Variants in PARVB observed in about 807,000 individuals in gnomAD.
PARVB encodes beta-parvin.
PARVB carries 46 observed loss-of-function variants against 47.0 expected under a neutral mutation model. The observed-to-expected ratio is 0.98, with a 90% confidence interval of 0.77 to 1.25. PARVB has a LOEUF of 1.25. Ranked by LOEUF, PARVB falls within the 50% of genes most tolerant of loss-of-function variation. The pLI is 0.00. For missense variants in PARVB, 473 were observed against 471.6 expected (o/e 1.00, Z -0.03); for synonymous variants, 196 against 196.3 (o/e 1.00, Z 0.01).
At chr22:44,134,565 G>T (rs948806045) in intron 6 of PARVB, among the ~76,000 whole-genome samples, 2 of 152,206 alleles carry the variant, frequency 1.3e-5, no homozygotes, top group Admixed American at 1.3e-4. Context: ...GAGGAGTGTT[G>T]TTTGGCCACG....
chr22:44,023,362 T>G (rs186251781), upstream of PARVB, among the ~76,000 whole-genome samples: 26 of 151,716 alleles, frequency 1.7e-4, no homozygotes, highest in Non-Finnish European at 3.1e-4. Flanking sequence ...AATACAAAAA[T>G]TACCCGGTCG....
rs570201560 is a variant in PARVB, at chr22:44,133,388, C to T, written c.633+379C>T. Among the ~76,000 whole-genome samples the T allele has an allele frequency of 2.2e-4, 34 of 152,270 alleles. No homozygotes were observed. In the South Asian group the frequency reaches 5.2e-3, roughly 23 times the overall value. On this transcript the variant is annotated intron_variant, in intron 6 of 12. Coordinates refer to ENST00000338758, the MANE Select transcript of PARVB (RefSeq NM_013327.5). Reference sequence around the variant, plus strand: ...ACCCAAATTAAAGCCGCTTTGCATTCGTTGGGGATTATTCATCATGCCCCA... The same window carrying T: ...ACCCAAATTAAAGCCGCTTTGCATTTGTTGGGGATTATTCATCATGCCCCA...
At chr22:44,116,710 G>T (rs1269057206) in intron 3 of PARVB, among the ~76,000 whole-genome samples, 1 of 152,220 alleles carries the variant, frequency 6.6e-6, no homozygotes, top group Non-Finnish European at 1.5e-5. Flanking sequence ...GGGACAGGAT[G>T]AGACAGGGTG....
intron 2 of PARVB, among the ~76,000 whole-genome samples, chr22:44,018,124 A>G (rs953705298): frequency 1.3e-5 from 2 of 152,130 alleles, no homozygotes. Context: ...CATCTCGGCC[A>G]GGCACAGTGG....
chr22:44,013,567 G>T (rs1333901516), intron 2 of PARVB, among the ~76,000 whole-genome samples: 2 of 152,168 alleles, frequency 1.3e-5, no homozygotes, highest in African/African-American at 2.4e-5. Context: ...GTGGATTCAC[G>T]CAGTCTGTGC....
chr22:44,116,548 C>T (rs886134390), intron 3 of PARVB, among the ~76,000 whole-genome samples: 1 of 152,232 alleles, frequency 6.6e-6, no homozygotes, highest in African/African-American at 2.4e-5. Context: ...GTTAGTCCAC[C>T]CATTCACCAC....
chr22:44,109,134 T>C (rs1018087150), intron 3 of PARVB: 3 of 152,334 alleles, frequency 2.0e-5, no homozygotes, highest in African/African-American at 7.2e-5. Flanking sequence ...AACGATCCTC[T>C]GGGCAGAAAT....
At chr22:44,114,440 A>T (rs2052807887) in intron 3 of PARVB, 1 of 111,500 alleles carries the variant, frequency 9.0e-6, no homozygotes, top group Non-Finnish European at 1.8e-5. Context: ...GTTACTAAGT[A>T]AGGCCCTGCA....
rs1431086500 is a variant in PARVB, at chr22:44,068,053, C to G, written c.113-25875C>G. On this transcript the variant is annotated intron_variant, in intron 1 of 12. Coordinates refer to ENST00000338758, the MANE Select transcript of PARVB (RefSeq NM_013327.5). The surrounding 1 kb of genome is among the most constrained non-coding windows in gnomAD (Gnocchi z 4.1). Reference sequence around the variant, plus strand: ...TGCCCCAGAGCCCCGCCTGGAGCACCTGCTGGGTCGGGACATGGGCCTCCC... The same window carrying G: ...TGCCCCAGAGCCCCGCCTGGAGCACGTGCTGGGTCGGGACATGGGCCTCCC... Among the ~76,000 whole-genome samples, 1 of 152,190 alleles carries G rather than the reference C, an allele frequency of 6.6e-6. No homozygotes were observed. Among genetic ancestry groups the G allele is most frequent in the Non-Finnish European group, 1.5e-5 (1 of 68,040 alleles).
At chr22:44,133,161 TC>T in intron 6 of PARVB, 152 bp downstream of exon 6, 1 of 552,764 alleles carries the variant, frequency 1.8e-6, no homozygotes, top group African/African-American at 1.9e-5. Flanking sequence ...TCACCCTGGC[TC>T]CGAGATAAAT....
At chr22:44,152,864 T>A (rs1230205909) in intron 10 of PARVB, 1 of 152,184 alleles carries the variant, frequency 6.6e-6, no homozygotes, top group Non-Finnish European at 1.5e-5. Context: ...TTCATTCCCT[T>A]CTCTTTCTTT....
chr22:44,115,492 TAA>T, intron 3 of PARVB: 1 of 70,922 alleles, frequency 1.4e-5, no homozygotes, highest in African/African-American at 6.3e-5. Flanking sequence ...TGTTACTAAC[TAA>T]GGCCCTGCAC....
intron 1 of PARVB, among the ~76,000 whole-genome samples, chr22:44,074,852 C>T (rs1445715984): frequency 6.6e-6 from 1 of 152,046 alleles, no homozygotes; most frequent in East Asian, 1.9e-4. Flanking sequence ...GGGCCCTTCC[C>T]TCCACCCCAC....
Position 44,132,284 on chromosome 22 carries a change from C to T in PARVB, c.518-610C>T, listed in dbSNP as rs568403634. ...TCTTGGTATCGAGACCTTGGGCAGA[C>T]CCAGGCTGTCTCGTGGGTGGCTGGG... On this transcript the variant is annotated intron_variant, in intron 5 of 12. Coordinates refer to ENST00000338758, the MANE Select transcript of PARVB (RefSeq NM_013327.5). 3.3e-5 allele frequency among the ~76,000 whole-genome samples: 5 copies of T among 152,318 alleles called. No individual in the cohort carries two copies. In the East Asian group the frequency reaches 9.7e-4, roughly 29 times the overall value.
At chr22:44,110,756 T>A (rs2052678885) in intron 3 of PARVB, 2 of 152,142 alleles carry the variant, frequency 1.3e-5, no homozygotes, top group South Asian at 4.1e-4. Context: ...TGCACCACCA[T>A]GCCCAGCTAA....
In PARVB at chr22:44,103,812, C is replaced by T. The variant is rs970666270; in HGVS notation, c.273+3689C>T. ...CCATGCACTAATGGATGCAGGCGGCCTCTGCCTCTAGAAGTGGAAAAGACA... is the reference window on the plus strand; with the variant it reads ...CCATGCACTAATGGATGCAGGCGGCTTCTGCCTCTAGAAGTGGAAAAGACA... On this transcript the variant is annotated intron_variant, in intron 3 of 12. Transcript: ENST00000338758. The surrounding 1 kb of genome is among the most constrained non-coding windows in gnomAD (Gnocchi z 4.6). 3 of 152,234 alleles carry T rather than the reference C, an allele frequency of 2.0e-5. No homozygotes were observed. Among genetic ancestry groups the T allele is most frequent in the Non-Finnish European group, 2.9e-5 (2 of 68,060 alleles). The allele number at this position is 152,234 out of a possible 1,614,324, so 9.4% of individuals were successfully genotyped here.
chr22:44,086,913 G>A, intron 1 of PARVB: 2 of 851,568 alleles, frequency 2.3e-6, no homozygotes, highest in Non-Finnish European at 1.4e-6. Context: ...TTGGGTTCCT[G>A]CTTAAGCCCA....
intron 6 of PARVB, among the ~76,000 whole-genome samples, chr22:44,134,648 C>T (rs1205999792): frequency 6.6e-6 from 1 of 152,178 alleles, no homozygotes; most frequent in Non-Finnish European, 1.5e-5. Flanking sequence ...CTTAGAGCCG[C>T]CTTCTGTCTT....
rs1256051929 is a variant in PARVB, at chr22:44,068,596, T to C, written c.113-25332T>C. Among the ~76,000 whole-genome samples, 1 of 152,176 alleles carries C rather than the reference T, an allele frequency of 6.6e-6. No homozygotes were observed. Among genetic ancestry groups the C allele is most frequent in the Non-Finnish European group, 1.5e-5 (1 of 68,030 alleles). ...TGGAAACGGGGTGGCAAGTGTTCCATGTGTTAGCATTTGGTCCTCCTGACG... is the reference window on the plus strand; with the variant it reads ...TGGAAACGGGGTGGCAAGTGTTCCACGTGTTAGCATTTGGTCCTCCTGACG... On this transcript the variant is annotated intron_variant, in intron 1 of 12. Transcript: ENST00000338758. This position sits in a 1 kb window ranked among gnomAD's most constrained non-coding sequence, Gnocchi z 4.1.
Sources: allele counts gnomAD v4.1 joint callset (sites outside exome capture counted in the v4.1 genomes callset), GRCh38; gene constraint gnomAD v4.1.1; non-coding constraint Gnocchi (gnomAD v3.1); transcripts MANE v1.5; gene names NCBI Gene and HGNC (gene_info 2026-07-23, HGNC 2026-07-21).